The following CARMIL3 variants were observed in gnomAD, a reference collection of about 807,000 sequenced individuals.
CARMIL3 encodes capping protein, Arp2/3 and myosin-I linker protein 3.
In CARMIL3, 88 loss-of-function variants were observed where a neutral mutation model predicts 180.8. The observed-to-expected ratio is 0.49, with a 90% CI of 0.41 to 0.58. The LOEUF is 0.58. CARMIL3 is among the 20% of genes least tolerant of loss of function. The probability of loss-of-function intolerance (pLI) is 0.00; values close to 1 mark genes in which losing one functional copy is unlikely to be tolerated. For missense variants in CARMIL3, 1,548 were observed against 1,787.0 expected (o/e 0.87, Z 2.41); for synonymous variants, 696 against 714.5 (o/e 0.97, Z 0.41).
intron 33 of CARMIL3, 96 bp from the exon 34 acceptor site, chr14:24,065,526 G>A (rs1182100260): frequency 2.0e-6 from 3 of 1,501,240 alleles, no homozygotes; most frequent in Non-Finnish European, 2.7e-6. Context: ...CGTGGCTAGG[G>A]ACTCAGTGAG....
chr14:24,060,965 C>T lies in CARMIL3; in HGVS notation c.2229C>T (p.Ala743=), dbSNP rs1407825688. The change falls in exon 26 of 40, where the codon GCC becomes GCT. Residue 743 remains alanine (A), a synonymous_variant. Transcript: ENST00000342740. ...TCTATGAGCTGGGCCACGTGCTGGC[C>T]AATGATGGGCCTGTGCGGCAGAGGC... ...PSLYELGHVL[A]NDGPVRQRLE... The T allele has an allele frequency of 1.9e-6, 3 of 1,551,724 alleles. No individual in the cohort carries two copies. The African/African-American group carries it at 4.1e-5, about 21-fold the overall frequency.
chr14:24,060,486 G>C (rs181429751), intron 24 of CARMIL3, 142 bp from the exon 25 acceptor site: 2 of 1,308,700 alleles, frequency 1.5e-6, no homozygotes, highest in African/African-American at 2.9e-5. Flanking sequence ...ATTCAAGAAG[G>C]CTGTAGCAAT....
chr14:24,068,254 G>A (rs1375142154), intron 36 of CARMIL3, among the ~76,000 whole-genome samples: 2 of 152,064 alleles, frequency 1.3e-5, no homozygotes, highest in Non-Finnish European at 2.9e-5. Flanking sequence ...AAAATTAGCT[G>A]GGCGTGGTGG....
chr14:24,060,828 A>G, intron 25 of CARMIL3, 72 bp downstream of exon 25: 1 of 1,569,248 alleles, frequency 6.4e-7, no homozygotes, highest in Non-Finnish European at 8.7e-7. Context: ...CTAAGCCATG[A>G]CAGCCCTGCC....
Position 24,069,217 on chromosome 14 carries a change from C to T in CARMIL3, c.4063C>T (p.Pro1355Ser), listed in dbSNP as rs1318083188. ...GGCACAGTCCTGTGACAAGCTGGAA[C>T]CTGATAGAAGACGGCCTCCTGACCC... ...RRAQSCDKLE[P>S]DRRRPPDPTG... The change falls in exon 39 of 40, where the codon CCT (proline) becomes TCT (serine). Residue 1355 changes from proline to serine, a missense_variant. Physicochemically the swap from Pro to Ser is moderately conservative, Grantham distance 74. Around this residue, in one of 4 missense-constraint regions of CARMIL3, gnomAD observed 668 missense variants for 687.8 expected, o/e 0.97. Coordinates refer to ENST00000342740, the MANE Select transcript of CARMIL3 (RefSeq NM_138360.4). 1.2e-6 allele frequency: 2 copies of T among 1,613,984 alleles called. No individual in the cohort carries two copies. The highest frequency in any genetic ancestry group is 1.7e-5 in the Admixed American group (1 of 59,996).
intron 27 of CARMIL3, 102 bp from the exon 28 acceptor site, chr14:24,062,364 GCAGACAGACCAGGC>G: frequency 4.3e-6 from 4 of 933,394 alleles, no homozygotes; most frequent in Non-Finnish European, 7.1e-6. Flanking sequence ...CGCTCCATGG[GCAGACAGACCAGGC>G]CAGCTGGCCG....
In CARMIL3 at chr14:24,057,196, C is replaced by T. The variant is rs201279262; in HGVS notation, c.1092C>T (p.Asn364=). ...TCTACAGTTTCCTGGCCCAACCCAA[C>T]GCCCTGGTGCACCTGGACCTGTCAG... ...NALYSFLAQP[N]ALVHLDLSGT... The change falls in exon 14 of 40, where the codon AAC becomes AAT. Residue 364 remains asparagine, a synonymous_variant. Coordinates refer to ENST00000342740, the MANE Select transcript of CARMIL3 (RefSeq NM_138360.4). The T allele has an allele frequency of 4.2e-5, 67 of 1,613,896 alleles. No homozygotes were observed. Among genetic ancestry groups the T allele is most frequent in the Admixed American group, 5.0e-5 (3 of 59,984 alleles).
At chr14:24,063,006 A>C (rs2035747705) in intron 29 of CARMIL3, 114 bp from the exon 30 acceptor site, 3 of 1,542,382 alleles carry the variant, frequency 1.9e-6, no homozygotes, top group African/African-American at 2.7e-5. Flanking sequence ...CCCTCATCCC[A>C]GTGCCTCAGC....
At position 24,059,028 on chromosome 14, in the gene CARMIL3, T is replaced by C. The variant is rs376540430; in HGVS notation, c.1571+42T>C. On this transcript the variant is annotated intron_variant, in intron 19 of 39. Coordinates refer to ENST00000342740, the MANE Select transcript of CARMIL3 (RefSeq NM_138360.4). The surrounding 1 kb of genome is among the most constrained non-coding windows in gnomAD (Gnocchi z 6.3). ...ATGCCCACAGACCCTCATCCCATCATTCACCCATCCTCTTGGCTCACCGTA... is the reference window on the plus strand; with the variant it reads ...ATGCCCACAGACCCTCATCCCATCACTCACCCATCCTCTTGGCTCACCGTA... The C allele has an allele frequency of 6.8e-5, 109 of 1,609,310 alleles. No homozygotes were observed. Among genetic ancestry groups the C allele is most frequent in the Non-Finnish European group, 8.7e-5 (102 of 1,177,458 alleles).
intron 32 of CARMIL3, 34 bp downstream of exon 32, chr14:24,064,380 G>A (rs766766685): frequency 5.2e-5 from 79 of 1,504,974 alleles, no homozygotes; most frequent in Non-Finnish European, 7.1e-5. Flanking sequence ...ATTTTCAGCA[G>A]GCCCCAAGGC....
In CARMIL3 at chr14:24,060,051, C is replaced by T. The variant is rs58283036; in HGVS notation, c.1950C>T (p.Asp650=). The T allele has an allele frequency of 0.13, 216,552 of 1,613,744 alleles. 22,811 individuals are homozygous for T. Among genetic ancestry groups the T allele is most frequent in the East Asian group, 0.54 (24,429 of 44,876 alleles). ...GCAGCGCGCCTGAGCGCACCGAGGA[C>T]GTCTGGCAGAAGGTGCAGGGTGCTG... ...AYRSAPERTE[D]VWQKIQWCLV... is the part of the protein sequence containing the mutation. The change falls in exon 23 of 40, where the codon GAC becomes GAT. Residue 650 remains aspartate (D), a synonymous_variant. Transcript: ENST00000342740.
rs762517310 is a variant in CARMIL3 at position 24,069,190 on chromosome 14, C to T, written c.4036C>T (p.Arg1346Trp). 1.2e-5 allele frequency: 20 copies of T among 1,613,926 alleles called. 1 individual carries two copies. The highest frequency in any genetic ancestry group is 8.8e-5 in the South Asian group (8 of 91,086). Residue 1346 changes from arginine to tryptophan, a missense_variant, in exon 39 of 40, where the codon CGG becomes TGG. Arg to Trp is a moderately radical substitution (Grantham distance 101). This residue lies in a region of CARMIL3 where 668 missense variants were observed against 687.8 expected (regional missense o/e 0.97). Transcript: ENST00000342740. ...TAPLKPKRTR[R>W]AQSCDKLEPD... The stretch of plus-strand genomic sequence containing the variant: ...CCCCCTGAAGCCCAAGAGGACACGG[C>T]GGGCACAGTCCTGTGACAAGCTGGA...
intron 36 of CARMIL3, among the ~76,000 whole-genome samples, chr14:24,067,979 C>A (rs548454740): frequency 6.6e-6 from 1 of 152,392 alleles, no homozygotes; most frequent in South Asian, 2.1e-4. Context: ...GGCCCTGGGC[C>A]CTGCCCCAGC....
At position 24,053,697 on chromosome 14, in the gene CARMIL3, A is replaced by AC. The variant is rs201715152; in HGVS notation, c.41-5dup. The AC allele has an allele frequency of 1.1e-3, 1,793 of 1,597,392 alleles. 14 individuals carry two copies. The African/African-American group carries it at 0.021, about 19-fold the overall frequency. On this transcript the variant is annotated splice_polypyrimidine_tract_variant and intron_variant, in intron 1 of 39. Coordinates refer to ENST00000342740, the MANE Select transcript of CARMIL3 (RefSeq NM_138360.4). The stretch of plus-strand genomic sequence containing the variant: ...AAGGTGAAGCTCTGAGCAGGCTCCC[A>AC]CCCCCCCTCAGACAGCATCCGGAGG...
intron 14 of CARMIL3, 110 bp from the exon 15 acceptor site, chr14:24,057,693 C>A: frequency 1.1e-6 from 1 of 908,736 alleles, no homozygotes; most frequent in Non-Finnish European, 1.7e-6. Flanking sequence ...ACAGGCTGAC[C>A]ACAGAGAATG....
chr14:24,069,290 G>GTC (rs762121784), intron 39 of CARMIL3, 43 bp downstream of exon 39: 1 of 1,612,846 alleles, frequency 6.2e-7, no homozygotes, highest in Non-Finnish European at 8.5e-7. Flanking sequence ...CCACCTATCT[G>GTC]TCCAACATGA....
intron 29 of CARMIL3, 105 bp downstream of exon 29, chr14:24,062,951 T>C: frequency 6.5e-7 from 1 of 1,540,900 alleles, no homozygotes; most frequent in East Asian, 2.3e-5. Flanking sequence ...GCCACCTCAC[T>C]GTGCCTGGCC....
chr14:24,063,412 C>T lies in CARMIL3; in HGVS notation c.2858C>T (p.Thr953Ile). The change falls in exon 31 of 40, where the codon ACA becomes ATA. Residue 953 changes from threonine to isoleucine, a missense_variant. Thr to Ile is a moderately conservative substitution (Grantham distance 89, BLOSUM62 -1). This residue lies in a region of CARMIL3 where 668 missense variants were observed against 687.8 expected (regional missense o/e 0.97). Coordinates refer to ENST00000342740, the MANE Select transcript of CARMIL3 (RefSeq NM_138360.4). ...TCAGGACTTGGGGGCAGCCAGCCCA[C>T]AGCTAGTGGCTCCTGGGAAGGTCTA... ...WFSGLGGSQP[T>I]ASGSWEGLSE... is the part of the protein sequence containing the mutation. 1 of 1,613,862 alleles carries T rather than the reference C, an allele frequency of 6.2e-7. No homozygotes were observed. Among genetic ancestry groups the T allele is most frequent in the Non-Finnish European group, 8.5e-7 (1 of 1,179,968 alleles).
In CARMIL3 at chr14:24,063,396, G is replaced by T; in HGVS notation, c.2842G>T (p.Gly948Trp). 1 of 1,613,540 alleles carries T rather than the reference G, an allele frequency of 6.2e-7. No homozygotes were observed. Among genetic ancestry groups the T allele is most frequent in the East Asian group, 2.2e-5 (1 of 44,878 alleles). Residue 948 changes from glycine (G) to tryptophan (W), a missense_variant, in exon 31 of 40, where the codon GGG becomes TGG. Gly to Trp is a radical substitution (Grantham distance 184, BLOSUM62 -2). Around this residue, in one of 4 missense-constraint regions of CARMIL3, gnomAD observed 668 missense variants for 687.8 expected, o/e 0.97. Coordinates refer to ENST00000342740, the MANE Select transcript of CARMIL3 (RefSeq NM_138360.4). ...GIPPGWFSGL[G>W]GSQPTASGSW... ...CCCCCCTGGCTGGTTCTCAGGACTT[G>T]GGGGCAGCCAGCCCACAGCTAGTGG...
Sources: allele counts gnomAD v4.1 joint callset (sites outside exome capture counted in the v4.1 genomes callset), GRCh38; gene constraint gnomAD v4.1.1; regional missense constraint gnomAD v4.1.1; non-coding constraint Gnocchi (gnomAD v3.1); transcripts MANE v1.5; gene names NCBI Gene and HGNC (gene_info 2026-07-23, HGNC 2026-07-21).